The following ANKFY1 variants were observed in gnomAD, a reference collection of about 807,000 sequenced individuals.
The protein encoded by ANKFY1 is ankyrin repeat and FYVE domain containing 1, also known as ankyrin repeat and FYVE domain-containing protein 1.
In ANKFY1, 47 loss-of-function variants were observed where a neutral mutation model predicts 128.3. The observed-to-expected ratio is 0.37, with a 90% CI of 0.29 to 0.47. ANKFY1 has a LOEUF of 0.47. Among genes scored for constraint, ANKFY1 ranks in the 20% least tolerant of loss-of-function variants. ANKFY1 has a pLI of 1.00. For synonymous variants in ANKFY1, 553 were observed against 601.6 expected (o/e 0.92, Z 1.18); for missense variants, 1,222 against 1,510.6 (o/e 0.81, Z 3.17).
At chr17:4,220,281 G>A (rs549942938) in intron 3 of ANKFY1, among the ~76,000 whole-genome samples, 4 of 152,320 alleles carry the variant, frequency 2.6e-5, no homozygotes, top group Admixed American at 1.3e-4. Flanking sequence ...AGCAGGCTTT[G>A]TAAATTGGGT....
At chr17:4,254,908 C>T (rs1968035298) in intron 1 of ANKFY1, among the ~76,000 whole-genome samples, 1 of 152,154 alleles carries the variant, frequency 6.6e-6, no homozygotes, top group South Asian at 2.1e-4. Context: ...GTGAAACTCA[C>T]TTAAGTGAGT....
intron 4 of ANKFY1, among the ~76,000 whole-genome samples, chr17:4,212,942 TG>T (rs2060159632): frequency 6.6e-6 from 1 of 151,426 alleles, no homozygotes; most frequent in African/African-American, 2.4e-5. Context: ...AGCTAATTTT[TG>T]TATTTTTTTT....
In ANKFY1 at chr17:4,234,204, ATACTC is replaced by A. The variant is rs555783382; in HGVS notation, c.322+1563_322+1567del. Among the ~76,000 whole-genome samples the A allele has an allele frequency of 1.9e-3, 282 of 152,318 alleles. 1 individual carries two copies. Among genetic ancestry groups the A allele is most frequent in the African/African-American group, 6.2e-3 (259 of 41,572 alleles). ...CTATACCATGTAGATTTGTGTAACTATACTCTATGATGCTCCCACAACAAAACCAC... is the reference window on the plus strand; with the variant it reads ...CTATACCATGTAGATTTGTGTAACTATATGATGCTCCCACAACAAAACCAC... On this transcript the variant is annotated intron_variant, in intron 3 of 24. Transcript: ENST00000341657.
In ANKFY1 at chr17:4,242,252, C is replaced by G. The variant is rs764858374; in HGVS notation, c.203+4G>C. On this transcript the variant is annotated splice_donor_region_variant and intron_variant, in intron 2 of 24. Coordinates refer to ENST00000341657, the MANE Select transcript of ANKFY1 (RefSeq NM_001330063.2). The stretch of plus-strand genomic sequence containing the variant: ...GGGCCTTCTGTGTCTAGGAGCTCTC[C>G]CACCTGTACTGCTCCTGCTCGTAGA... 14 of 1,525,608 alleles carry G rather than the reference C, an allele frequency of 9.2e-6. No individual in the cohort carries two copies. Among genetic ancestry groups the G allele is most frequent in the Non-Finnish European group, 1.1e-5 (13 of 1,142,660 alleles). The allele number at this position is 1,525,608 out of a possible 1,614,324, so 94.5% of individuals were successfully genotyped here.
intron 19 of ANKFY1, among the ~76,000 whole-genome samples, chr17:4,176,099 C>G (rs1239681795): frequency 6.6e-6 from 1 of 152,212 alleles, no homozygotes; most frequent in Non-Finnish European, 1.5e-5. Context: ...CCATCATACC[C>G]ACCGCTCCTT....
rs1234350880 is a variant in ANKFY1 at position 4,166,501 on chromosome 17, A to C, written c.*1278T>G. The C allele has an allele frequency of 2.6e-5, 4 of 152,668 alleles. No individual in the cohort carries two copies. The highest frequency in any genetic ancestry group is 9.6e-5 in the African/African-American group (4 of 41,466). The allele number at this position is 152,668 out of a possible 1,614,324, so 9.5% of individuals were successfully genotyped here. A position where few individuals can be genotyped will look rare whatever the true frequency, so the allele number is the denominator to read the frequency against. ...AGAAACTGGCCAAACCTTCAAAAGA[A>C]AAGTTTAACACCTCACGGTTAATAT... is the stretch of plus-strand genomic sequence containing the variant. On this transcript the variant is annotated 3_prime_UTR_variant, in exon 25 of 25. Coordinates refer to ENST00000341657, the MANE Select transcript of ANKFY1 (RefSeq NM_001330063.2).
intron 7 of ANKFY1, among the ~76,000 whole-genome samples, chr17:4,203,027 G>T (rs2059962199): frequency 6.7e-6 from 1 of 149,618 alleles, no homozygotes; most frequent in South Asian, 2.1e-4. Context: ...AAGCTATTTA[G>T]AAATTACTAG....
rs540214920 is a variant in ANKFY1 at position 4,217,345 on chromosome 17, G to A, written c.323-227C>T. On this transcript the variant is annotated intron_variant, in intron 3 of 24. Coordinates refer to ENST00000341657, the MANE Select transcript of ANKFY1 (RefSeq NM_001330063.2). ...GGGCAGATCACGAAGTCAGGAGTTC[G>A]AGACCAGCCTGACCAACATGCTGAA... is the stretch of plus-strand genomic sequence containing the variant. Among the ~76,000 whole-genome samples the A allele has an allele frequency of 1.6e-4, 25 of 152,256 alleles. No homozygotes were observed. The South Asian group carries it at 5.0e-3, about 30-fold the overall frequency.
intron 21 of ANKFY1, 128 bp from the exon 22 acceptor site, chr17:4,172,808 T>C: frequency 7.6e-7 from 1 of 1,316,324 alleles, no homozygotes; most frequent in South Asian, 1.5e-5. Context: ...ACAAAAGTTT[T>C]TCTTTTTCTT....
At chr17:4,257,496 G>C (rs868314575) in intron 1 of ANKFY1, among the ~76,000 whole-genome samples, 1 of 151,958 alleles carries the variant, frequency 6.6e-6, no homozygotes, top group African/African-American at 2.4e-5. Context: ...CTTCCACCTA[G>C]AACAGTGACC....
At chr17:4,225,220 A>C (rs1453984652) in intron 3 of ANKFY1, among the ~76,000 whole-genome samples, 3 of 152,020 alleles carry the variant, frequency 2.0e-5, no homozygotes, top group Non-Finnish European at 4.4e-5. Flanking sequence ...AGCCGAGCGT[A>C]GTGGTGCATG....
At position 4,221,534 on chromosome 17, in the gene ANKFY1, A is replaced by G. The variant is rs553532290; in HGVS notation, c.323-4416T>C. Among the ~76,000 whole-genome samples the G allele has an allele frequency of 2.7e-4, 41 of 152,058 alleles. No homozygotes were observed. The South Asian group carries it at 8.5e-3, about 32-fold the overall frequency. On this transcript the variant is annotated intron_variant, in intron 3 of 24. Transcript: ENST00000341657. Reference sequence around the variant, plus strand: ...GCTGACTTTGTTTTTTAAATCCTCTATTTTTAATCTGTAAAAAGCTGAGAA... The same window carrying G: ...GCTGACTTTGTTTTTTAAATCCTCTGTTTTTAATCTGTAAAAAGCTGAGAA...
intron 1 of ANKFY1, among the ~76,000 whole-genome samples, chr17:4,262,145 A>T (rs1456234874): frequency 6.6e-6 from 1 of 152,164 alleles, no homozygotes; most frequent in Non-Finnish European, 1.5e-5. Context: ...TGGGTGACAT[A>T]GTGTGACCTA....
Position 4,173,399 on chromosome 17 carries a change from A to G in ANKFY1, c.2969T>C (p.Val990Ala), listed in dbSNP as rs554506602. Residue 990 changes from valine (V) to alanine (A), a missense_variant, in exon 21 of 25, where the codon GTT becomes GCT. Transcript: ENST00000341657. ...VMHGRLNNIR[V>A]LLTECTVDAE... ...GTCCACTGTGCACTCTGTCAGGAGA[A>G]CCCGGATGTTGTTGAGCCGGCCGTG... The G allele has an allele frequency of 2.5e-5, 41 of 1,614,172 alleles. No homozygotes were observed. The East Asian group carries it at 8.7e-4, about 34-fold the overall frequency.
In ANKFY1 at chr17:4,166,486, C is replaced by T. The variant is rs2059212856; in HGVS notation, c.*1293G>A. On this transcript the variant is annotated 3_prime_UTR_variant, in exon 25 of 25. Coordinates refer to ENST00000341657, the MANE Select transcript of ANKFY1 (RefSeq NM_001330063.2). Reference sequence around the variant, plus strand: ...AAATGTGCATTTTTTAGAAACTGGCCAAACCTTCAAAAGAAAAGTTTAACA... The same window carrying T: ...AAATGTGCATTTTTTAGAAACTGGCTAAACCTTCAAAAGAAAAGTTTAACA... 1 of 152,592 alleles carries T rather than the reference C, an allele frequency of 6.6e-6. No individual in the cohort carries two copies. Among genetic ancestry groups the T allele is most frequent in the Non-Finnish European group, 1.5e-5 (1 of 68,038 alleles). The allele number at this position is 152,592 out of a possible 1,614,324, so 9.5% of individuals were successfully genotyped here.
At chr17:4,203,827 C>T (rs201298239) in intron 7 of ANKFY1, among the ~76,000 whole-genome samples, 1 of 77,810 alleles carries the variant, frequency 1.3e-5, no homozygotes, top group Non-Finnish European at 2.5e-5. Context: ...ACAACAACAA[C>T]AAAAAAAAAA....
At chr17:4,237,404 A>C (rs1267575540) in intron 2 of ANKFY1, among the ~76,000 whole-genome samples, 3 of 152,372 alleles carry the variant, frequency 2.0e-5, no homozygotes, top group Non-Finnish European at 4.4e-5. Context: ...ACTCTATGCA[A>C]AACAGAACAT....
intron 2 of ANKFY1, 82 bp from the exon 3 acceptor site, chr17:4,235,972 T>A: frequency 2.1e-6 from 2 of 964,214 alleles, no homozygotes; most frequent in East Asian, 4.8e-5. Flanking sequence ...GATAAACACA[T>A]GAGTATTCAT....
chr17:4,263,579 T>A (rs1028111484), intron 1 of ANKFY1: 5 of 1,529,958 alleles, frequency 3.3e-6, no homozygotes, highest in Middle Eastern at 1.7e-4. Context: ...TTCGATTTCC[T>A]AAGGAGAAGG....
Sources: gnomAD v4.1 joint callset for allele counts (sites outside exome capture counted in the v4.1 genomes callset) on GRCh38, gnomAD v4.1.1 for gene constraint, MANE v1.5 for transcripts, NCBI Gene and HGNC (gene_info 2026-07-23, HGNC 2026-07-21) for gene names.